GSE1: variants seen among roughly 807,000 people sequenced by gnomAD.
GSE1 encodes the protein Gse1 coiled-coil protein.
In GSE1, 32 loss-of-function variants were observed where a neutral mutation model predicts 112.6. The ratio of observed to expected loss-of-function variants is 0.28; its 90% CI spans 0.21 to 0.38. The LOEUF (loss-of-function observed/expected upper bound fraction) is 0.38, where lower values mean the gene tolerates loss of function less well. Ranked by LOEUF, GSE1 falls within the 10% of genes least tolerant of loss-of-function variation. The probability of loss-of-function intolerance (pLI) is 1.00; values close to 1 mark genes in which losing one functional copy is unlikely to be tolerated. For synonymous variants in GSE1, 1,115 were observed against 735.6 expected (o/e 1.52, Z -8.35); for missense variants, 2,348 against 1,699.2 (o/e 1.38, Z -6.71).
At chr16:85,235,496 C>G (rs989687030) in intron 1 of GSE1, among the ~76,000 whole-genome samples, 88 of 149,098 alleles carry the variant, frequency 5.9e-4, no homozygotes, top group Non-Finnish European at 1.1e-3. Context: ...GGCCTCCCAT[C>G]TCCCTCCCAC....
At chr16:85,307,838 G>A (rs896211942) in intron 1 of GSE1, among the ~76,000 whole-genome samples, 6 of 152,270 alleles carry the variant, frequency 3.9e-5, no homozygotes, top group African/African-American at 9.6e-5. Context: ...CTCATCAGGC[G>A]GGACTCTTCA....
rs1567754811 is a variant in GSE1, at chr16:85,663,678, C to T, written c.2644+64C>T. On this transcript the variant is annotated intron_variant, in intron 11 of 15. Transcript: ENST00000253458. ...GGGTGGAAGTGGGTTTCTGAAGCAG[C>T]AGGTGGGGCCGGTGGACTCCAGGCA... 5.3e-6 allele frequency: 8 copies of T among 1,503,416 alleles called. No individual in the cohort carries two copies. The Admixed American group carries it at 1.1e-4, about 22-fold the overall frequency. The allele number at this position is 1,503,416 out of a possible 1,614,324, so 93.1% of individuals were successfully genotyped here.
Position 85,655,902 on chromosome 16 carries a change from G to A in GSE1, c.974G>A (p.Gly325Asp), listed in dbSNP as rs1322987691. ...GCGCTGCACTCGGAGCGCATGTCTG[G>A]CCTCAGCGCGGAGAGGTAAGTGCGT... is the stretch of plus-strand genomic sequence containing the variant. ...LAALHSERMSGLSAERLQMDE... is the reference protein window; with the variant it reads ...LAALHSERMSDLSAERLQMDE... Residue 325 changes from glycine to aspartate, a missense_variant, in exon 6 of 16, where the codon GGC becomes GAC. Physicochemically the swap from Gly to Asp is moderately conservative, Grantham distance 94 (BLOSUM62 -1). Coordinates refer to ENST00000253458, the MANE Select transcript of GSE1 (RefSeq NM_014615.5). 8.7e-6 allele frequency: 14 copies of A among 1,603,736 alleles called. No homozygotes were observed. The highest frequency in any genetic ancestry group is 1.1e-5 in the Non-Finnish European group (13 of 1,179,588).
intron 2 of GSE1, among the ~76,000 whole-genome samples, chr16:85,451,877 C>T (rs1029605203): frequency 6.6e-6 from 1 of 152,214 alleles, no homozygotes; most frequent in African/African-American, 2.4e-5. Flanking sequence ...CCGGTGGAGA[C>T]ACTGAAGCCC....
At chr16:85,176,506 C>T (rs978556575) in intron 1 of GSE1, among the ~76,000 whole-genome samples, 6 of 152,252 alleles carry the variant, frequency 3.9e-5, no homozygotes, top group Non-Finnish European at 5.9e-5. Flanking sequence ...GAGGTCTTAG[C>T]CGGCACCTTC....
At chr16:85,547,723 A>T (rs2044749365) in intron 2 of GSE1, among the ~76,000 whole-genome samples, 1 of 151,774 alleles carries the variant, frequency 6.6e-6, no homozygotes, top group African/African-American at 2.4e-5. Context: ...TCTACTAAAA[A>T]TACAAAAATT....
intron 1 of GSE1, among the ~76,000 whole-genome samples, chr16:85,205,230 C>T (rs560976727): frequency 6.6e-6 from 1 of 152,110 alleles, no homozygotes; most frequent in African/African-American, 2.4e-5. Flanking sequence ...CCTGGGGGTT[C>T]AAGCTGTTCT....
At chr16:85,510,462 C>T (rs1190592808) in intron 2 of GSE1, among the ~76,000 whole-genome samples, 1 of 97,872 alleles carries the variant, frequency 1.0e-5, no homozygotes, top group African/African-American at 4.5e-5. Flanking sequence ...GTGTGGCCTG[C>T]GTGCACCCGC....
chr16:85,209,714 C>A (rs138455725), intron 1 of GSE1, among the ~76,000 whole-genome samples: 170 of 152,312 alleles, frequency 1.1e-3, no homozygotes, highest in African/African-American at 3.9e-3. Flanking sequence ...CACGTGATCC[C>A]GAGGCTGGGA....
At chr16:85,376,612 C>T (rs960954792) in intron 2 of GSE1, among the ~76,000 whole-genome samples, 2 of 152,188 alleles carry the variant, frequency 1.3e-5, no homozygotes, top group Non-Finnish European at 2.9e-5. Flanking sequence ...TTCTCGAAGT[C>T]GTGGGAGGCG....
intron 1 of GSE1, chr16:85,594,462 T>A (rs973365654): frequency 6.6e-6 from 1 of 152,258 alleles, no homozygotes; most frequent in Non-Finnish European, 1.5e-5. Flanking sequence ...CATGCTGTCC[T>A]TCCAGCAAGC....
At chr16:85,655,643 A>T (rs1217108586) in intron 5 of GSE1, 83 bp from the exon 6 acceptor site, 4 of 838,388 alleles carry the variant, frequency 4.8e-6, no homozygotes, top group Middle Eastern at 2.3e-4. Context: ...AGGTGTGTGT[A>T]CCTGGCTGAG....
intron 1 of GSE1, among the ~76,000 whole-genome samples, chr16:85,317,776 C>T (rs73259605): frequency 0.03 from 4,571 of 152,260 alleles, 225 homozygotes; most frequent in African/African-American, 0.1. Context: ...CCAGTGTATC[C>T]AGCACTCCCC....
chr16:85,400,515 G>A (rs1035402322), intron 2 of GSE1, among the ~76,000 whole-genome samples: 4 of 151,572 alleles, frequency 2.6e-5, no homozygotes, highest in African/African-American at 9.7e-5. Flanking sequence ...GTGTCTGTGT[G>A]GTTGTGAGCC....
chr16:85,489,422 G>A (rs1197239901), intron 2 of GSE1, among the ~76,000 whole-genome samples: 2 of 152,112 alleles, frequency 1.3e-5, no homozygotes, highest in Non-Finnish European at 2.9e-5. Flanking sequence ...AGCACCATCT[G>A]CCTCTGCAGT....
intron 1 of GSE1, among the ~76,000 whole-genome samples, chr16:85,235,963 C>G (rs1904600563): frequency 6.9e-6 from 1 of 145,366 alleles, no homozygotes; most frequent in Admixed American, 6.8e-5. Flanking sequence ...GCCGGCGCCC[C>G]CTCCGGCGCC....
chr16:85,525,063 C>T (rs1456192396), intron 2 of GSE1, among the ~76,000 whole-genome samples: 3 of 152,200 alleles, frequency 2.0e-5, no homozygotes, highest in African/African-American at 4.8e-5. Flanking sequence ...AATCGGCCCT[C>T]GTGGTTGCGT....
At chr16:85,537,150 G>C (rs2044358143) in intron 2 of GSE1, among the ~76,000 whole-genome samples, 1 of 152,216 alleles carries the variant, frequency 6.6e-6, no homozygotes, top group Non-Finnish European at 1.5e-5. Context: ...GCTCTGAGCA[G>C]CGTTTGGTCG....
chr16:85,611,249 C>G (rs555469224), upstream of GSE1, among the ~76,000 whole-genome samples: 19 of 152,148 alleles, frequency 1.2e-4, 1 homozygote, highest in South Asian at 2.1e-3. Context: ...CCATTCCTTC[C>G]TAACACCTCC....
Sources: gnomAD v4.1 joint callset for allele counts (sites outside exome capture counted in the v4.1 genomes callset) on GRCh38, gnomAD v4.1.1 for gene constraint, MANE v1.5 for transcripts, NCBI Gene and HGNC (gene_info 2026-07-23, HGNC 2026-07-21) for gene names.